Variants in ZC3H7B observed in about 807,000 individuals in gnomAD.
ZC3H7B encodes the protein zinc finger CCCH domain-containing protein 7B.
A neutral mutation model predicts 116.0 loss-of-function variants in ZC3H7B; 35 were observed. The observed-to-expected ratio is 0.30, with a 90% CI of 0.23 to 0.40. The LOEUF is 0.40. Among genes scored for constraint, ZC3H7B ranks in the 10% least tolerant of loss-of-function variants. The probability of loss-of-function intolerance (pLI) is 1.00; values close to 1 mark genes in which losing one functional copy is unlikely to be tolerated. For synonymous variants in ZC3H7B, 502 were observed against 545.6 expected (o/e 0.92, Z 1.11); for missense variants, 1,011 against 1,321.5 (o/e 0.77, Z 3.64).
chr22:41,330,214 C>A, intron 6 of ZC3H7B, 111 bp downstream of exon 6: 1 of 1,074,104 alleles, frequency 9.3e-7, no homozygotes, highest in Non-Finnish European at 1.4e-6. Context: ...TGGGTTAGGA[C>A]AGAGGGGAGT....
intron 4 of ZC3H7B, 53 bp downstream of exon 4, chr22:41,325,971 T>C: frequency 5.2e-6 from 8 of 1,547,368 alleles, no homozygotes; most frequent in Non-Finnish European, 7.0e-6. Flanking sequence ...ATCCCCTGGA[T>C]GCCCAGTCGA....
intron 5 of ZC3H7B, among the ~76,000 whole-genome samples, chr22:41,328,445 C>A (rs1201183270): frequency 6.6e-6 from 1 of 152,234 alleles, no homozygotes; most frequent in African/African-American, 2.4e-5. Flanking sequence ...CCGACCCAGG[C>A]CCTGGCCTCT....
Position 41,355,813 on chromosome 22 carries a change from T to C in ZC3H7B, c.2225T>C (p.Val742Ala), listed in dbSNP as rs1439794930. The C allele has an allele frequency of 1.9e-6, 3 of 1,611,942 alleles. No homozygotes were observed. The highest frequency in any genetic ancestry group is 2.5e-6 in the Non-Finnish European group (3 of 1,179,682). The change falls in exon 19 of 23, where the codon GTG (valine) becomes GCG (alanine). Residue 742 changes from valine to alanine, a missense_variant. By Grantham distance (64) the Val-to-Ala change is moderately conservative (BLOSUM62 0). Transcript: ENST00000352645. The stretch of plus-strand genomic sequence containing the variant: ...ATGTCCAAGGCCAAGAGGAAATGGG[T>C]GTCAGTGAGGCCACTGCCATCCATT... ...LVMSKAKRKW[V>A]SVRPLPSIRN...
intron 2 of ZC3H7B, among the ~76,000 whole-genome samples, chr22:41,321,671 T>A (rs1175708942): frequency 6.6e-6 from 1 of 151,926 alleles, no homozygotes; most frequent in Admixed American, 6.6e-5. Context: ...CTTTTTAATC[T>A]TCTCAACAGC....
intron 1 of ZC3H7B, among the ~76,000 whole-genome samples, chr22:41,307,690 C>T (rs2036063163): frequency 1.3e-5 from 2 of 152,190 alleles, no homozygotes; most frequent in South Asian, 4.1e-4. Flanking sequence ...CTTGACATTT[C>T]CTATGCCTTC....
chr22:41,357,458 T>C lies in ZC3H7B; in HGVS notation c.*29T>C, dbSNP rs1298880054. On this transcript the variant is annotated 3_prime_UTR_variant, in exon 23 of 23. Coordinates refer to ENST00000352645, the MANE Select transcript of ZC3H7B (RefSeq NM_017590.6). This position sits in a 1 kb window ranked among gnomAD's most constrained non-coding sequence, Gnocchi z 5.4. ...CAGGTGTTGGCCGTGGGTGAAGTCC[T>C]GGGGTCAGGGGGTGGGGTGGGGCCA... 2.4e-6 allele frequency: 3 copies of C among 1,251,852 alleles called. No individual in the cohort carries two copies. The highest frequency in any genetic ancestry group is 2.0e-5 in the African/African-American group (1 of 51,110). The allele number at this position is 1,251,852 out of a possible 1,614,324, so 77.5% of individuals were successfully genotyped here. A position where few individuals can be genotyped will look rare whatever the true frequency, so the allele number is the denominator to read the frequency against.
Position 41,327,145 on chromosome 22 carries a change from G to A in ZC3H7B, c.286-61G>A. 6.3e-7 allele frequency: 1 copy of A among 1,591,166 alleles called. No individual in the cohort carries two copies. The highest frequency in any genetic ancestry group is 8.6e-7 in the Non-Finnish European group (1 of 1,167,110). ...GGTGTTCCTTCCTAGGCAGGGGCAG[G>A]AGGCCTGGGGGAGGGAGGGTAACAG... is the stretch of plus-strand genomic sequence containing the variant. On this transcript the variant is annotated intron_variant, in intron 4 of 22. Transcript: ENST00000352645. The surrounding 1 kb of genome is among the most constrained non-coding windows in gnomAD (Gnocchi z 4.5).
At chr22:41,322,589 T>TAGGC in intron 2 of ZC3H7B, among the ~76,000 whole-genome samples, 1 of 152,192 alleles carries the variant, frequency 6.6e-6, no homozygotes, top group Non-Finnish European at 1.5e-5. Context: ...GGCATAATTA[T>TAGGC]CACAACACTA....
rs771064872 is a variant in ZC3H7B at position 41,343,416 on chromosome 22, C to G, written c.1299C>G (p.Gly433=). 6.2e-7 allele frequency: 1 copy of G among 1,607,796 alleles called. No individual in the cohort carries two copies. The highest frequency in any genetic ancestry group is 8.5e-7 in the Non-Finnish European group (1 of 1,175,820). Residue 433 remains glycine, a splice_region_variant and synonymous_variant, in exon 13 of 23, where the codon GGC becomes GGG. Coordinates refer to ENST00000352645, the MANE Select transcript of ZC3H7B (RefSeq NM_017590.6). ...QACQLCYPKT[G]PRAGDYTYRE... is the part of the protein sequence containing the mutation. ...CATGTGTGTCCACCCTGCCCATAGG[C>G]CCCCGGGCTGGCGACTACACCTACC...
intron 1 of ZC3H7B, among the ~76,000 whole-genome samples, chr22:41,314,740 G>A (rs2036158951): frequency 6.6e-6 from 1 of 151,506 alleles, no homozygotes; most frequent in Non-Finnish European, 1.5e-5. Flanking sequence ...CTCCCAAGTA[G>A]CTGGGACTAC....
chr22:41,347,177 C>T (rs1369806665), intron 14 of ZC3H7B, among the ~76,000 whole-genome samples: 1 of 152,154 alleles, frequency 6.6e-6, no homozygotes, highest in Admixed American at 6.5e-5. Flanking sequence ...GCTGGTGGTC[C>T]CCACAGCCAA....
At position 41,355,325 on chromosome 22, in the gene ZC3H7B, G is replaced by C. The variant is rs542361606; in HGVS notation, c.2035-144G>C. 6 of 1,194,828 alleles carry C rather than the reference G, an allele frequency of 5.0e-6. No homozygotes were observed. In the Admixed American group the frequency reaches 1.3e-4, roughly 26 times the overall value. 74.0% of individuals were successfully genotyped at this position (1,194,828 alleles called of 1,614,324 possible). A position where few individuals can be genotyped will look rare whatever the true frequency, so the allele number is the denominator to read the frequency against. On this transcript the variant is annotated intron_variant, in intron 17 of 22. Transcript: ENST00000352645. ...CTCCTGGGAAGCCCTTGGGCCTGCAGTTGGGAGGTCACTGCCTGCCAGGAA... is the reference window on the plus strand; with the variant it reads ...CTCCTGGGAAGCCCTTGGGCCTGCACTTGGGAGGTCACTGCCTGCCAGGAA...
At chr22:41,330,925 G>A (rs1329247350) in intron 6 of ZC3H7B, among the ~76,000 whole-genome samples, 1 of 145,594 alleles carries the variant, frequency 6.9e-6, no homozygotes, top group African/African-American at 2.5e-5. Flanking sequence ...CTGGAGTGCA[G>A]TGGCGCGATC....
rs767094947 is a variant in ZC3H7B at position 41,339,161 on chromosome 22, C to T, written c.786C>T (p.Gly262=). The T allele has an allele frequency of 9.9e-6, 16 of 1,612,288 alleles. No homozygotes were observed. In the East Asian group the frequency reaches 3.1e-4, roughly 31 times the overall value. ...LDDFSDGDVF[G]PELDTLLDSL... ...ACTTCTCAGACGGGGATGTCTTTGGCCCAGAGCTGGACACCCTCCTGGACT... is the reference window on the plus strand; with the variant it reads ...ACTTCTCAGACGGGGATGTCTTTGGTCCAGAGCTGGACACCCTCCTGGACT... The change falls in exon 9 of 23, where the codon GGC becomes GGT. Residue 262 remains glycine, a synonymous_variant. Transcript: ENST00000352645.
At chr22:41,324,034 C>T (rs1489353371) in intron 2 of ZC3H7B, among the ~76,000 whole-genome samples, 3 of 151,672 alleles carry the variant, frequency 2.0e-5, no homozygotes, top group Non-Finnish European at 2.9e-5. Context: ...TGGGCCACTG[C>T]ACTCCAGCCT....
chr22:41,355,650 C>T, intron 18 of ZC3H7B, 48 bp downstream of exon 18: 3 of 1,612,434 alleles, frequency 1.9e-6, no homozygotes, highest in Non-Finnish European at 2.5e-6. Context: ...GGCCACCCTA[C>T]CACCACAGGT....
At chr22:41,303,631 TTG>T (rs766619422) in intron 1 of ZC3H7B, among the ~76,000 whole-genome samples, 7 of 152,262 alleles carry the variant, frequency 4.6e-5, no homozygotes, top group Non-Finnish European at 1.0e-4. Flanking sequence ...TTAGGCCGAA[TTG>T]TGTGTCTTGC....
intron 6 of ZC3H7B, 38 bp from the exon 7 acceptor site, chr22:41,332,133 A>T (rs1601779353): frequency 6.2e-7 from 1 of 1,612,650 alleles, no homozygotes; most frequent in East Asian, 2.2e-5. Context: ...TCTTTTCAGA[A>T]TCTTTACCTC....
intron 2 of ZC3H7B, among the ~76,000 whole-genome samples, chr22:41,322,883 C>T (rs534518913): frequency 6.6e-6 from 1 of 152,316 alleles, no homozygotes; most frequent in East Asian, 1.9e-4. Flanking sequence ...TTTCCTACCT[C>T]AGCCTCCCAC....
Sources: allele counts gnomAD v4.1 joint callset (sites outside exome capture counted in the v4.1 genomes callset), GRCh38; gene constraint gnomAD v4.1.1; non-coding constraint Gnocchi (gnomAD v3.1); transcripts MANE v1.5; gene names NCBI Gene and HGNC (gene_info 2026-07-23, HGNC 2026-07-21).